The following LAPTM5 variants were observed in gnomAD, a reference collection of about 807,000 sequenced individuals.
LAPTM5 encodes the protein lysosomal-associated transmembrane protein 5.
A neutral mutation model predicts 30.1 loss-of-function variants in LAPTM5; 11 were observed. The observed-to-expected ratio is 0.37, with a 90% CI of 0.23 to 0.60. The LOEUF (loss-of-function observed/expected upper bound fraction) is 0.60, where lower values mean the gene tolerates loss of function less well. LAPTM5 is among the 20% of genes least tolerant of loss of function. The pLI, the probability that LAPTM5 is intolerant of heterozygous loss-of-function variation, is 0.71. For synonymous variants in LAPTM5, 151 were observed against 137.9 expected (o/e 1.10, Z -0.67); for missense variants, 324 against 332.5 (o/e 0.97, Z 0.20).
rs1183883097 is a variant in LAPTM5 at position 30,746,997 on chromosome 1, G to T, written c.88-4448C>A. ...CCAAACTCTGTCTAGAAAAGCCACT[G>T]ACCCTGGCGTGCCGGTGTCACAGTC... On this transcript the variant is annotated intron_variant, in intron 1 of 7. Coordinates refer to ENST00000294507, the MANE Select transcript of LAPTM5 (RefSeq NM_006762.3). This position sits in a 1 kb window ranked among gnomAD's most constrained non-coding sequence, Gnocchi z 4.0. Among the ~76,000 whole-genome samples the T allele has an allele frequency of 1.3e-5, 2 of 152,148 alleles. No individual in the cohort carries two copies. Among genetic ancestry groups the T allele is most frequent in the Non-Finnish European group, 2.9e-5 (2 of 68,024 alleles).
rs1298507257 is a variant in LAPTM5 at position 30,738,945 on chromosome 1, G to C, written c.505C>G (p.His169Asp). ...GTTCCCTGCCCCAGACTCACCATGT[G>C]GTTCATGGACTTGAAGTTGAGATAG... ...PTYLNFKSMNHMNYLPSQEDM... is the reference protein window; with the variant it reads ...PTYLNFKSMNDMNYLPSQEDM... Residue 169 changes from histidine (H) to aspartate (D), a missense_variant, in exon 5 of 8, where the codon CAC becomes GAC. Transcript: ENST00000294507. The C allele has an allele frequency of 6.2e-7, 1 of 1,603,528 alleles. No individual in the cohort carries two copies. Among genetic ancestry groups the C allele is most frequent in the Non-Finnish European group, 8.5e-7 (1 of 1,175,450 alleles).
At chr1:30,756,377 C>T (rs1240287124) in intron 1 of LAPTM5, among the ~76,000 whole-genome samples, 1 of 152,212 alleles carries the variant, frequency 6.6e-6, no homozygotes, top group African/African-American at 2.4e-5. Context: ...TGATGCACAA[C>T]GAATAATAAA....
chr1:30,751,191 G>T (rs1640133166), intron 1 of LAPTM5, among the ~76,000 whole-genome samples: 1 of 152,222 alleles, frequency 6.6e-6, no homozygotes, highest in African/African-American at 2.4e-5. Flanking sequence ...TTAGAAGCTG[G>T]GGTTCACACC....
In LAPTM5 at chr1:30,733,597, G is replaced by T. The variant is rs1263510345; in HGVS notation, c.*231C>A. 1.3e-6 allele frequency: 2 copies of T among 1,525,712 alleles called. No individual in the cohort carries two copies. The highest frequency in any genetic ancestry group is 5.0e-5 in the East Asian group (2 of 40,292). 94.5% of individuals were successfully genotyped at this position (1,525,712 alleles called of 1,614,324 possible). On this transcript the variant is annotated 3_prime_UTR_variant, in exon 8 of 8. Coordinates refer to ENST00000294507, the MANE Select transcript of LAPTM5 (RefSeq NM_006762.3). ...TGATTGAAATAAACCAAGCATTGTT[G>T]GGCTGAATTATGGAGAGACCCGAGG...
chr1:30,741,671 A>T lies in LAPTM5; in HGVS notation c.227T>A (p.Ile76Asn), dbSNP rs956358136. 6.2e-7 allele frequency: 1 copy of T among 1,608,468 alleles called. No homozygotes were observed. Among genetic ancestry groups the T allele is most frequent in the Non-Finnish European group, 8.5e-7 (1 of 1,177,400 alleles). The change falls in exon 3 of 8, where the codon ATC (isoleucine) becomes AAC (asparagine). Residue 76 changes from isoleucine to asparagine, a missense_variant. Physicochemically the swap from Ile to Asn is moderately radical, Grantham distance 149. Coordinates refer to ENST00000294507, the MANE Select transcript of LAPTM5 (RefSeq NM_006762.3). ...SFLLITMLFI[I>N]SLSLLIGVVK... ...TACGCCGATCAGTAGGCTCAGGCTG[A>T]TGATGAAGAGCATGGTGATGAGCAG...
At chr1:30,738,136 T>C (rs1384426267) in intron 5 of LAPTM5, among the ~76,000 whole-genome samples, 3 of 152,182 alleles carry the variant, frequency 2.0e-5, no homozygotes, top group Admixed American at 1.3e-4. Flanking sequence ...ACTGCCTCTG[T>C]GGTCATTTGC....
Position 30,733,926 on chromosome 1 carries a change from G to C in LAPTM5, c.700-9C>G, listed in dbSNP as rs1639852234. ...TAGGACGGCAGGACCACCTGGGAGA[G>C]ACAGAGAGATGAGGGCTGAGTATGG... is the stretch of plus-strand genomic sequence containing the variant. On this transcript the variant is annotated splice_polypyrimidine_tract_variant and intron_variant, in intron 7 of 7. Transcript: ENST00000294507. 1.2e-6 allele frequency: 2 copies of C among 1,610,316 alleles called. No individual in the cohort carries two copies. Among genetic ancestry groups the C allele is most frequent in the African/African-American group, 1.3e-5 (1 of 74,692 alleles).
chr1:30,739,185 T>C lies in LAPTM5; in HGVS notation c.388-123A>G. 2 of 1,251,710 alleles carry C rather than the reference T, an allele frequency of 1.6e-6. No individual in the cohort carries two copies. The highest frequency in any genetic ancestry group is 2.2e-6 in the Non-Finnish European group (2 of 907,424). 77.5% of individuals were successfully genotyped at this position (1,251,710 alleles called of 1,614,324 possible). ...CAGCTACAGACATCAGTGACTCTCG[T>C]CCCCTGTGCACAGAGAGACATGAAC... On this transcript the variant is annotated intron_variant, in intron 4 of 7. Transcript: ENST00000294507. This position sits in a 1 kb window ranked among gnomAD's most constrained non-coding sequence, Gnocchi z 4.2.
chr1:30,737,735 G>A, intron 5 of LAPTM5, 36 bp from the exon 6 acceptor site: 1 of 1,400,374 alleles, frequency 7.1e-7, no homozygotes, highest in Non-Finnish European at 1.0e-6. Flanking sequence ...AATGTCTCTG[G>A]ACATAAGGAA....
intron 3 of LAPTM5, among the ~76,000 whole-genome samples, chr1:30,740,432 C>A (rs1283775001): frequency 6.7e-6 from 1 of 148,838 alleles, no homozygotes; most frequent in African/African-American, 2.5e-5. Context: ...CCACGCCCCG[C>A]ATACAATTGG....
At chr1:30,740,399 T>A (rs866414416) in intron 3 of LAPTM5, among the ~76,000 whole-genome samples, 1 of 103,238 alleles carries the variant, frequency 9.7e-6, no homozygotes. Context: ...AGAGAGCCCC[T>A]CCCCCCCACC....
chr1:30,735,187 T>C lies in LAPTM5; in HGVS notation c.685A>G (p.Lys229Glu). Residue 229 changes from lysine (K) to glutamate (E), a missense_variant, in exon 7 of 8, where the codon AAG (lysine) becomes GAG (glutamate). By Grantham distance (56) the Lys-to-Glu change is moderately conservative. Coordinates refer to ENST00000294507, the MANE Select transcript of LAPTM5 (RefSeq NM_006762.3). ...GCCACACTCACCTTCTGGAGCATCT[T>C]GGAGTTTCTCTTCTCCTCCACCGAG... ...MNSVEEKRNSKMLQKVVLPSY... is the reference protein window; with the variant it reads ...MNSVEEKRNSEMLQKVVLPSY... The C allele has an allele frequency of 6.2e-7, 1 of 1,613,472 alleles. No homozygotes were observed.
At chr1:30,752,708 A>G (rs1426113682) in intron 1 of LAPTM5, among the ~76,000 whole-genome samples, 1 of 152,236 alleles carries the variant, frequency 6.6e-6, no homozygotes, top group Admixed American at 6.5e-5. Flanking sequence ...GAGGCCGTGA[A>G]TGAGTCAGGG....
intron 1 of LAPTM5, among the ~76,000 whole-genome samples, chr1:30,752,687 C>T (rs1640154445): frequency 6.6e-6 from 1 of 152,264 alleles, no homozygotes; most frequent in Non-Finnish European, 1.5e-5. Context: ...CAGACTGGCC[C>T]CTCAAGGGCA....
intron 1 of LAPTM5, among the ~76,000 whole-genome samples, chr1:30,757,329 A>G (rs1005591079): frequency 4.6e-5 from 7 of 152,214 alleles, no homozygotes; most frequent in Non-Finnish European, 8.8e-5. Flanking sequence ...TTGGCTTTGC[A>G]CACAAATAAC....
rs113304071 is a variant in LAPTM5, at chr1:30,739,958, C to A, written c.259-21G>T. ...CGGTTCTGAAAGGTAGGCCCAGCACCGTCAAGTGTCCCCTGCATGCAGCCA... is the reference window on the plus strand; with the variant it reads ...CGGTTCTGAAAGGTAGGCCCAGCACAGTCAAGTGTCCCCTGCATGCAGCCA... On this transcript the variant is annotated intron_variant, in intron 3 of 7. Coordinates refer to ENST00000294507, the MANE Select transcript of LAPTM5 (RefSeq NM_006762.3). This position sits in a 1 kb window ranked among gnomAD's most constrained non-coding sequence, Gnocchi z 4.2. The A allele has an allele frequency of 1.3e-6, 2 of 1,549,622 alleles. No individual in the cohort carries two copies. The highest frequency in any genetic ancestry group is 1.4e-5 in the African/African-American group (1 of 72,960).
chr1:30,737,737 C>T, intron 5 of LAPTM5, 38 bp from the exon 6 acceptor site: 1 of 1,379,444 alleles, frequency 7.2e-7, no homozygotes, highest in Non-Finnish European at 1.0e-6. Context: ...TGTCTCTGGA[C>T]ATAAGGAATT....
Position 30,757,754 on chromosome 1 carries a change from C to T in LAPTM5, c.-9G>A, listed in dbSNP as rs750377752. On this transcript the variant is annotated 5_prime_UTR_variant, in exon 1 of 8. Transcript: ENST00000294507. ...GACAAGCGGGGGTCCATGGTGCTGCCGTCCCCTCCTCTGAGACACTGAAGG... is the reference window on the plus strand; with the variant it reads ...GACAAGCGGGGGTCCATGGTGCTGCTGTCCCCTCCTCTGAGACACTGAAGG... 3.1e-6 allele frequency: 5 copies of T among 1,612,380 alleles called. No homozygotes were observed. Among genetic ancestry groups the T allele is most frequent in the Admixed American group, 1.7e-5 (1 of 59,946 alleles).
At chr1:30,751,550 C>T (rs537824604) in intron 1 of LAPTM5, among the ~76,000 whole-genome samples, 2 of 152,164 alleles carry the variant, frequency 1.3e-5, no homozygotes, top group Non-Finnish European at 1.5e-5. Context: ...ACCAGCCTGG[C>T]CAACATGGTG....
Sources: gnomAD v4.1 joint callset for allele counts (sites outside exome capture counted in the v4.1 genomes callset) on GRCh38, gnomAD v4.1.1 for gene constraint, Gnocchi (gnomAD v3.1) non-coding constraint, MANE v1.5 for transcripts, NCBI Gene and HGNC (gene_info 2026-07-23, HGNC 2026-07-21) for gene names.